The following SCN9A variants were observed in gnomAD, a reference collection of about 807,000 sequenced individuals.
SCN9A encodes sodium voltage-gated channel alpha subunit 9, also known as sodium channel protein type 9 subunit alpha.
Under a neutral mutation model 187.0 loss-of-function variants are expected in SCN9A, and 131 were observed. The ratio of observed to expected loss-of-function variants is 0.70; its 90% CI spans 0.61 to 0.81. The LOEUF is 0.81. Among genes scored for constraint, SCN9A ranks in the 30% least tolerant of loss-of-function variants. The probability of loss-of-function intolerance (pLI) is 0.00; values close to 1 mark genes in which losing one functional copy is unlikely to be tolerated. For missense variants in SCN9A, 2,252 were observed against 2,396.6 expected (o/e 0.94, Z 1.26); for synonymous variants, 809 against 808.6 (o/e 1.00, Z -0.01).
Position 166,278,266 on chromosome 2 carries a change from G to T in SCN9A, c.2391C>A (p.Ala797=), listed in dbSNP as rs1251881640. 6.2e-7 allele frequency: 1 copy of T among 1,611,420 alleles called. No individual in the cohort carries two copies. The highest frequency in any genetic ancestry group is 8.5e-7 in the Non-Finnish European group (1 of 1,178,944). Residue 797 remains alanine, a synonymous_variant, in exon 15 of 27, where the codon GCC becomes GCA. Transcript: ENST00000642356. Reference sequence around the variant, plus strand: ...CTTGGAAATACTCATATGGATCCATGGCAATCAGTTTTAATACCATTTCAG... The same window carrying T: ...CTTGGAAATACTCATATGGATCCATTGCAATCAGTTTTAATACCATTTCAG... ...FAAEMVLKLI[A]MDPYEYFQVG...
intron 2 of SCN9A, among the ~76,000 whole-genome samples, chr2:166,308,880 C>T (rs1440460389): frequency 1.4e-5 from 2 of 144,116 alleles, no homozygotes; most frequent in African/African-American, 5.2e-5. Context: ...GAGCCAAAAT[C>T]GCGCCACGGC....
intron 1 of SCN9A, among the ~76,000 whole-genome samples, chr2:166,341,092 C>A (rs1323430302): frequency 6.6e-6 from 1 of 151,960 alleles, no homozygotes; most frequent in Non-Finnish European, 1.5e-5. Flanking sequence ...ATTGACCTTA[C>A]CTTTTTAGAA....
intron 2 of SCN9A, among the ~76,000 whole-genome samples, chr2:166,308,822 A>G (rs942267208): frequency 2.7e-5 from 4 of 146,968 alleles, no homozygotes; most frequent in Admixed American, 2.1e-4. Context: ...GCTACCCTGG[A>G]GGCTGAGGTG....
intron 14 of SCN9A, among the ~76,000 whole-genome samples, chr2:166,279,191 A>G (rs2106473189): frequency 6.6e-6 from 1 of 152,250 alleles, no homozygotes; most frequent in South Asian, 2.1e-4. Flanking sequence ...GCCTTTTTCC[A>G]AAGATAAATA....
At chr2:166,309,175 T>C (rs1462921501) in intron 2 of SCN9A, among the ~76,000 whole-genome samples, 1 of 152,034 alleles carries the variant, frequency 6.6e-6, no homozygotes, top group African/African-American at 2.4e-5. Context: ...TCAGGGAGAC[T>C]TTATAAACCG....
intron 8 of SCN9A, among the ~76,000 whole-genome samples, chr2:166,293,747 G>T (rs185675569): frequency 2.6e-5 from 4 of 152,234 alleles, no homozygotes; most frequent in East Asian, 1.9e-4. Flanking sequence ...ATAGTTCTTG[G>T]TTCAGTAAAT....
intron 21 of SCN9A, among the ~76,000 whole-genome samples, chr2:166,232,836 A>G (rs1041317402): frequency 1.4e-5 from 2 of 147,750 alleles, no homozygotes; most frequent in Non-Finnish European, 3.0e-5. Flanking sequence ...TGCATATTTT[A>G]TATATAGTCT....
intron 18 of SCN9A, among the ~76,000 whole-genome samples, chr2:166,248,967 C>A (rs764430136): frequency 7.2e-5 from 11 of 152,098 alleles, no homozygotes; most frequent in African/African-American, 1.4e-4. Flanking sequence ...CTTCACCCAG[C>A]CTCTGACCTT....
chr2:166,346,675 G>T (rs1286564754), intron 1 of SCN9A, among the ~76,000 whole-genome samples: 1 of 152,134 alleles, frequency 6.6e-6, no homozygotes, highest in Non-Finnish European at 1.5e-5. Flanking sequence ...ACCTGCTATT[G>T]TTTGACACCA....
At chr2:166,292,574 T>C (rs367952638) in intron 9 of SCN9A, among the ~76,000 whole-genome samples, 7 of 152,236 alleles carry the variant, frequency 4.6e-5, no homozygotes, top group African/African-American at 1.7e-4. Context: ...ATCATTGTTA[T>C]GTGTACTATA....
At chr2:166,248,448 T>G (rs11884801) in intron 18 of SCN9A, among the ~76,000 whole-genome samples, 120,792 of 151,886 alleles carry the variant, frequency 0.8, 48,617 homozygotes, top group Non-Finnish European at 0.85. Flanking sequence ...TATACAAAAC[T>G]CTACCATACT....
chr2:166,340,537 TTTCC>T (rs1314038475), intron 1 of SCN9A, among the ~76,000 whole-genome samples: 4,335 of 111,908 alleles, frequency 0.039, 193 homozygotes, highest in East Asian at 0.059. Flanking sequence ...CTTTCTTTTC[TTTCC>T]CTTTCTTTCT....
intron 1 of SCN9A, among the ~76,000 whole-genome samples, chr2:166,347,229 A>C (rs984271010): frequency 3.3e-5 from 5 of 152,126 alleles, no homozygotes; most frequent in Admixed American, 2.6e-4. Flanking sequence ...CTTTCTTCTT[A>C]TTCTCCTTTG....
At chr2:166,207,130 G>C (rs1693845478) in intron 24 of SCN9A, among the ~76,000 whole-genome samples, 1 of 152,052 alleles carries the variant, frequency 6.6e-6, no homozygotes, top group Non-Finnish European at 1.5e-5. Flanking sequence ...TTCTACATTA[G>C]TCTATAATTT....
chr2:166,252,334 T>C (rs1255751784), intron 17 of SCN9A, among the ~76,000 whole-genome samples: 2 of 152,062 alleles, frequency 1.3e-5, no homozygotes, highest in African/African-American at 2.4e-5. Context: ...GATCAAATAG[T>C]TGGCAAAAAA....
intron 5 of SCN9A, among the ~76,000 whole-genome samples, chr2:166,305,201 C>A (rs4286289): frequency 0.73 from 111,273 of 151,864 alleles, 40,934 homozygotes; most frequent in African/African-American, 0.78. Flanking sequence ...TGTAAAAATC[C>A]ATTTTTCTGA....
intron 17 of SCN9A, among the ~76,000 whole-genome samples, chr2:166,253,183 A>G (rs577197763): frequency 2.0e-5 from 3 of 151,998 alleles, no homozygotes; most frequent in African/African-American, 7.2e-5. Context: ...CACCTAGTAT[A>G]CAACATCATA....
chr2:166,237,765 A>G (rs1393900263), intron 20 of SCN9A, among the ~76,000 whole-genome samples: 4 of 152,108 alleles, frequency 2.6e-5, no homozygotes, highest in Non-Finnish European at 5.9e-5. Flanking sequence ...TCCTACTTCT[A>G]AATTTTGTTT....
chr2:166,227,314 A>G (rs1251998611), intron 23 of SCN9A, among the ~76,000 whole-genome samples: 1 of 152,132 alleles, frequency 6.6e-6, no homozygotes, highest in Non-Finnish European at 1.5e-5. Flanking sequence ...CCCTGCTTCT[A>G]TTTTCTTGTT....
Sources: gnomAD v4.1 joint callset for allele counts (sites outside exome capture counted in the v4.1 genomes callset) on GRCh38, gnomAD v4.1.1 for gene constraint, MANE v1.5 for transcripts, NCBI Gene and HGNC (gene_info 2026-07-23, HGNC 2026-07-21) for gene names.